Variants in HS6ST3 observed in about 807,000 individuals in gnomAD.
The protein encoded by HS6ST3 is heparan sulfate 6-O-sulfotransferase 3, also known as heparan-sulfate 6-O-sulfotransferase 3.
In HS6ST3, 12 loss-of-function variants were observed where a neutral mutation model predicts 36.7. That is an observed-to-expected ratio of 0.33 (90% CI 0.21 to 0.53). The LOEUF (loss-of-function observed/expected upper bound fraction) is 0.53. Ranked by LOEUF, HS6ST3 falls within the 20% of genes least tolerant of loss-of-function variation. The pLI is 0.95. For synonymous variants in HS6ST3, 240 were observed against 257.5 expected (o/e 0.93, Z 0.65); for missense variants, 584 against 640.9 (o/e 0.91, Z 0.96).
chr13:96,178,330 T>C (rs1227904041), intron 1 of HS6ST3, among the ~76,000 whole-genome samples: 1 of 152,210 alleles, frequency 6.6e-6, no homozygotes, highest in East Asian at 1.9e-4. Flanking sequence ...GTGGGCCTTC[T>C]TCTCTGTGAT....
chr13:96,771,326 C>T (rs937728210), intron 1 of HS6ST3, among the ~76,000 whole-genome samples: 1 of 151,168 alleles, frequency 6.6e-6, no homozygotes, highest in African/African-American at 2.4e-5. Context: ...ATGTAAATGA[C>T]GAGTTAATGG....
intron 1 of HS6ST3, among the ~76,000 whole-genome samples, chr13:96,404,880 T>C (rs2055469562): frequency 6.6e-6 from 1 of 152,186 alleles, no homozygotes; most frequent in South Asian, 2.1e-4. Flanking sequence ...AGGAACCCAG[T>C]GGGAGGTGAT....
chr13:96,222,454 A>G (rs78702056), intron 1 of HS6ST3, among the ~76,000 whole-genome samples: 2,510 of 152,330 alleles, frequency 0.016, 50 homozygotes, highest in East Asian at 0.08. Flanking sequence ...CTGGAGGCAA[A>G]ATAGCTGGTG....
chr13:96,458,074 T>C (rs1045507393), intron 1 of HS6ST3, among the ~76,000 whole-genome samples: 1 of 152,138 alleles, frequency 6.6e-6, no homozygotes, highest in African/African-American at 2.4e-5. Flanking sequence ...CCAATTTGCC[T>C]ACTAACCTGT....
At chr13:96,523,956 T>G (rs1733993918) in intron 1 of HS6ST3, among the ~76,000 whole-genome samples, 2 of 152,216 alleles carry the variant, frequency 1.3e-5, no homozygotes, top group Admixed American at 1.3e-4. Flanking sequence ...TTTTGGAATT[T>G]TCAGCCTTTC....
chr13:96,480,770 T>C (rs1378501522), intron 1 of HS6ST3, among the ~76,000 whole-genome samples: 4 of 152,160 alleles, frequency 2.6e-5, no homozygotes, highest in Non-Finnish European at 4.4e-5. Context: ...GGAAGTTTAG[T>C]GCGATACTGG....
chr13:96,670,495 G>A (rs770841012), intron 1 of HS6ST3, among the ~76,000 whole-genome samples: 7 of 152,020 alleles, frequency 4.6e-5, no homozygotes, highest in Non-Finnish European at 7.4e-5. Context: ...GTATACTAGC[G>A]GGAATAATTC....
chr13:96,667,860 C>A (rs377723621), intron 1 of HS6ST3, among the ~76,000 whole-genome samples: 34 of 152,240 alleles, frequency 2.2e-4, no homozygotes, highest in African/African-American at 7.9e-4. Context: ...TGGAAAAAGC[C>A]ACCTGCATGT....
intron 1 of HS6ST3, among the ~76,000 whole-genome samples, chr13:96,646,546 G>A (rs1383698138): frequency 6.6e-6 from 1 of 151,962 alleles, no homozygotes; most frequent in East Asian, 1.9e-4. Context: ...GATAAATAGT[G>A]CTTGGACAAC....
At chr13:96,486,077 G>A (rs1279579388) in intron 1 of HS6ST3, among the ~76,000 whole-genome samples, 12 of 135,084 alleles carry the variant, frequency 8.9e-5, no homozygotes, top group South Asian at 2.3e-4. Flanking sequence ...ATGTGTTCTC[G>A]TTGTTCAATT....
chr13:96,435,719 T>A (rs951872214), intron 1 of HS6ST3, among the ~76,000 whole-genome samples: 1 of 152,186 alleles, frequency 6.6e-6, no homozygotes, highest in Non-Finnish European at 1.5e-5. Context: ...CCTCAACCTG[T>A]TAACAAACTC....
chr13:96,815,574 A>C (rs1038361785), intron 1 of HS6ST3, among the ~76,000 whole-genome samples: 6 of 152,162 alleles, frequency 3.9e-5, no homozygotes, highest in South Asian at 2.1e-4. Flanking sequence ...GAGAAAGACT[A>C]GTCTTCTGAA....
At chr13:96,665,460 T>C (rs1401889748) in intron 1 of HS6ST3, among the ~76,000 whole-genome samples, 1 of 152,068 alleles carries the variant, frequency 6.6e-6, no homozygotes, top group African/African-American at 2.4e-5. Flanking sequence ...AGAAAAAATG[T>C]CAGAATGCTA....
At chr13:96,323,511 G>C (rs2055015039) in intron 1 of HS6ST3, among the ~76,000 whole-genome samples, 2 of 152,144 alleles carry the variant, frequency 1.3e-5, no homozygotes, top group Admixed American at 1.3e-4. Flanking sequence ...TTCTCAACAT[G>C]GCAGCCACAG....
At chr13:96,143,684 C>G (rs542408589) in intron 1 of HS6ST3, among the ~76,000 whole-genome samples, 1 of 152,078 alleles carries the variant, frequency 6.6e-6, no homozygotes, top group African/African-American at 2.4e-5. Flanking sequence ...CCTTTCTAGA[C>G]ACACTCTAAA....
At chr13:96,492,686 C>T (rs1282159295) in intron 1 of HS6ST3, among the ~76,000 whole-genome samples, 1 of 152,130 alleles carries the variant, frequency 6.6e-6, no homozygotes. Context: ...TTGAACTCCT[C>T]CAGGACTTTT....
intron 1 of HS6ST3, among the ~76,000 whole-genome samples, chr13:96,665,023 T>A (rs545247998): frequency 6.6e-6 from 1 of 151,954 alleles, no homozygotes; most frequent in Admixed American, 6.6e-5. Flanking sequence ...AATACAAAAA[T>A]TTGCTGGGCA....
intron 1 of HS6ST3, among the ~76,000 whole-genome samples, chr13:96,595,141 G>A (rs1000156302): frequency 6.6e-5 from 10 of 152,092 alleles, no homozygotes; most frequent in South Asian, 2.1e-4. Flanking sequence ...AACCTCATGC[G>A]CTCAAGTGAT....
At chr13:96,828,069 A>C (rs1566463413) in intron 1 of HS6ST3, among the ~76,000 whole-genome samples, 2 of 152,162 alleles carry the variant, frequency 1.3e-5, no homozygotes, top group African/African-American at 4.8e-5. Context: ...CTTTTGGGAA[A>C]TTTTCTGACA....
Sources: allele counts gnomAD v4.1 joint callset (sites outside exome capture counted in the v4.1 genomes callset), GRCh38; gene constraint gnomAD v4.1.1; transcripts MANE v1.5; gene names NCBI Gene and HGNC (gene_info 2026-07-23, HGNC 2026-07-21).